The following LTBP1 variants were observed in gnomAD, a reference collection of about 807,000 sequenced individuals.
LTBP1 encodes latent-transforming growth factor beta-binding protein 1.
In LTBP1, 129 loss-of-function variants were observed where a neutral mutation model predicts 207.6. The ratio of observed to expected loss-of-function variants is 0.62; its 90% CI spans 0.54 to 0.72. LTBP1 has a LOEUF of 0.72. Among genes scored for constraint, LTBP1 ranks in the 30% least tolerant of loss-of-function variants. The pLI is 0.00. For missense variants in LTBP1, 2,281 were observed against 2,217.2 expected, an observed-to-expected ratio of 1.03 and a Z score of -0.58; for synonymous variants, 963 against 833.7, an observed-to-expected ratio of 1.16 and a Z score of -2.67.
intron 2 of LTBP1, among the ~76,000 whole-genome samples, chr2:32,950,659 T>C (rs558123835): frequency 6.6e-6 from 1 of 150,722 alleles, no homozygotes; most frequent in African/African-American, 2.5e-5. Flanking sequence ...TGTACCTGGG[T>C]AGGGGAGATT....
chr2:33,388,963 A>G (rs1284494524), intron 31 of LTBP1, among the ~76,000 whole-genome samples: 1 of 152,182 alleles, frequency 6.6e-6, no homozygotes, highest in African/African-American at 2.4e-5. Context: ...TTTGATCTTC[A>G]ATTTGGAACC....
At chr2:33,371,619 A>T (rs1008502604) in intron 31 of LTBP1, among the ~76,000 whole-genome samples, 1 of 152,188 alleles carries the variant, frequency 6.6e-6, no homozygotes, top group African/African-American at 2.4e-5. Flanking sequence ...AGTTTATTGG[A>T]TATAGATTTT....
intron 13 of LTBP1, among the ~76,000 whole-genome samples, chr2:33,260,439 T>G (rs1450864513): frequency 6.6e-6 from 1 of 152,210 alleles, no homozygotes; most frequent in African/African-American, 2.4e-5. Flanking sequence ...TATTAAATAT[T>G]TATACATTTA....
Position 32,947,225 on chromosome 2 carries a change from C to A in LTBP1, c.-100C>A. ...CCTCCCGCCTTTCCCGGGCTCTCGG[C>A]AGCTCTCGGGGGAGCCCGAACGCGC... On this transcript the variant is annotated 5_prime_UTR_variant, in exon 1 of 34. Coordinates refer to ENST00000404816, the MANE Select transcript of LTBP1 (RefSeq NM_206943.4). 2.1e-6 allele frequency: 2 copies of A among 931,658 alleles called. No individual in the cohort carries two copies. The highest frequency in any genetic ancestry group is 2.8e-6 in the Non-Finnish European group (2 of 722,012). The allele number at this position is 931,658 out of a possible 1,614,324, so 57.7% of individuals were successfully genotyped here.
intron 26 of LTBP1, among the ~76,000 whole-genome samples, chr2:33,356,240 C>T (rs1224987043): frequency 6.6e-6 from 1 of 152,134 alleles, no homozygotes; most frequent in East Asian, 1.9e-4. Flanking sequence ...GGGAAGCAAT[C>T]GTGATGAATC....
rs764584925 is a variant in LTBP1 at position 33,273,671 on chromosome 2, C to T, written c.2633C>T (p.Thr878Ile). ...PTQVTEINEC[T>I]VNPDICGAGH... The stretch of plus-strand genomic sequence containing the variant: ...ACTTTTAAAGAAATCAATGAATGTA[C>T]TGTGAACCCTGATATCTGTGGAGCA... The change falls in exon 16 of 34, where the codon ACT becomes ATT. Residue 878 changes from threonine to isoleucine, a missense_variant. Physicochemically the swap from Thr to Ile is moderately conservative, Grantham distance 89. Around this residue, in one of 3 missense-constraint regions of LTBP1, gnomAD observed 1,671 missense variants for 1,634.8 expected, o/e 1.02. Transcript: ENST00000404816. The T allele has an allele frequency of 6.2e-7, 1 of 1,606,690 alleles. No individual in the cohort carries two copies.
chr2:33,005,164 A>G (rs1419719842), intron 2 of LTBP1, among the ~76,000 whole-genome samples: 1 of 152,216 alleles, frequency 6.6e-6, no homozygotes, highest in African/African-American at 2.4e-5. Context: ...TTATTCCTGC[A>G]AGATGACAAA....
Position 33,034,979 on chromosome 2 carries a change from G to T in LTBP1, c.863+13773G>T, listed in dbSNP as rs140963464. 1.2e-4 allele frequency among the ~76,000 whole-genome samples: 18 copies of T among 152,284 alleles called. No individual in the cohort carries two copies. In the East Asian group the frequency reaches 3.3e-3, roughly 28 times the overall value. ...GCAGAATGCCAAAATTTGAAGAGGGGGGTTTAACTCCACTGGAATATGTCA... is the reference window on the plus strand; with the variant it reads ...GCAGAATGCCAAAATTTGAAGAGGGTGGTTTAACTCCACTGGAATATGTCA... On this transcript the variant is annotated intron_variant, in intron 3 of 33. Transcript: ENST00000404816.
chr2:33,273,867 T>C, intron 16 of LTBP1, 86 bp downstream of exon 16: 1 of 1,254,916 alleles, frequency 8.0e-7, no homozygotes, highest in Non-Finnish European at 1.1e-6. Flanking sequence ...ACTTAACCAT[T>C]TTGGGAAAGT....
At chr2:32,995,761 C>A (rs1685168526) in intron 2 of LTBP1, among the ~76,000 whole-genome samples, 1 of 152,188 alleles carries the variant, frequency 6.6e-6, no homozygotes, top group Non-Finnish European at 1.5e-5. Flanking sequence ...TGCACTCCAG[C>A]CTGGGCAACA....
intron 9 of LTBP1, among the ~76,000 whole-genome samples, chr2:33,236,668 A>G (rs1420906192): frequency 6.6e-6 from 1 of 152,200 alleles, no homozygotes; most frequent in South Asian, 2.1e-4. Flanking sequence ...CTCTGTGGCT[A>G]TAAAATGAAT....
chr2:33,158,495 A>G lies in LTBP1; in HGVS notation c.1201+23535A>G, dbSNP rs113622038. On this transcript the variant is annotated intron_variant, in intron 5 of 33. Coordinates refer to ENST00000404816, the MANE Select transcript of LTBP1 (RefSeq NM_206943.4). Reference sequence around the variant, plus strand: ...TGGAATTAATCTAGAGAAAGAATTGAGACAGGGCATCCCAGATGAAGCCAA... The same window carrying G: ...TGGAATTAATCTAGAGAAAGAATTGGGACAGGGCATCCCAGATGAAGCCAA... Among the ~76,000 whole-genome samples the G allele has an allele frequency of 5.4e-3, 828 of 152,264 alleles. 4 individuals carry two copies. The highest frequency in any genetic ancestry group is 8.5e-3 in the Non-Finnish European group (578 of 68,014).
At chr2:33,045,682 G>C (rs574666508) in intron 3 of LTBP1, among the ~76,000 whole-genome samples, 1 of 152,294 alleles carries the variant, frequency 6.6e-6, no homozygotes, top group East Asian at 1.9e-4. Context: ...GGATAGCATT[G>C]AATCTATAAA....
At chr2:33,345,332 A>G (rs2094687848) in intron 25 of LTBP1, among the ~76,000 whole-genome samples, 1 of 152,244 alleles carries the variant, frequency 6.6e-6, no homozygotes, top group Non-Finnish European at 1.5e-5. Flanking sequence ...CCATGAAGGC[A>G]GGAGTTGGGA....
intron 3 of LTBP1, among the ~76,000 whole-genome samples, chr2:33,108,141 T>C (rs746874958): frequency 1.5e-4 from 23 of 152,236 alleles, no homozygotes; most frequent in Non-Finnish European, 2.8e-4. Flanking sequence ...TGATTTCATA[T>C]AATGCTTGTA....
chr2:33,094,577 A>T (rs916127379), intron 3 of LTBP1, among the ~76,000 whole-genome samples: 20 of 152,230 alleles, frequency 1.3e-4, no homozygotes, highest in African/African-American at 4.6e-4. Flanking sequence ...AATGTAGAGT[A>T]CTAGACCATT....
intron 2 of LTBP1, among the ~76,000 whole-genome samples, chr2:32,988,060 A>G (rs1683865716): frequency 6.6e-6 from 1 of 152,204 alleles, no homozygotes; most frequent in African/African-American, 2.4e-5. Context: ...AAGCCAAAGA[A>G]TGCTGGCAGA....
At chr2:33,066,464 T>G (rs1362080482) in intron 3 of LTBP1, among the ~76,000 whole-genome samples, 1 of 152,220 alleles carries the variant, frequency 6.6e-6, no homozygotes, top group African/African-American at 2.4e-5. Flanking sequence ...TTTTTTTTAT[T>G]TTTTATCAGT....
chr2:33,396,221 G>T (rs1369291130), intron 32 of LTBP1, among the ~76,000 whole-genome samples: 8 of 151,282 alleles, frequency 5.3e-5, no homozygotes, highest in Non-Finnish European at 8.8e-5. Flanking sequence ...TTGTTTTTTG[G>T]TTTTTTGTCT....
Sources: allele counts gnomAD v4.1 joint callset (sites outside exome capture counted in the v4.1 genomes callset), GRCh38; gene constraint gnomAD v4.1.1; regional missense constraint gnomAD v4.1.1; transcripts MANE v1.5; gene names NCBI Gene and HGNC (gene_info 2026-07-23, HGNC 2026-07-21).